The following GGT7 variants were observed in gnomAD, a reference collection of about 807,000 sequenced individuals.
GGT7 encodes gamma-glutamyltransferase 7.
Under a neutral mutation model 69.2 loss-of-function variants are expected in GGT7, and 30 were observed. The ratio of observed to expected loss-of-function variants is 0.43; its 90% CI spans 0.32 to 0.59. The LOEUF (loss-of-function observed/expected upper bound fraction) is 0.59. GGT7 is among the 20% of genes least tolerant of loss of function. The probability of loss-of-function intolerance (pLI) is 0.05; values close to 1 mark genes in which losing one functional copy is unlikely to be tolerated. For missense variants in GGT7, 733 were observed against 901.1 expected, an observed-to-expected ratio of 0.81 and a Z score of 2.39; for synonymous variants, 388 against 391.8, an observed-to-expected ratio of 0.99 and a Z score of 0.12.
intron 10 of GGT7, among the ~76,000 whole-genome samples, chr20:34,853,687 A>G (rs1419971269): frequency 6.6e-6 from 1 of 152,180 alleles, no homozygotes; most frequent in Non-Finnish European, 1.5e-5. Flanking sequence ...TTTTCAACCA[A>G]ACAAAGCTTT....
At position 34,872,687 on chromosome 20, in the gene GGT7, G is replaced by C; in HGVS notation, c.129C>G (p.Gly43=). 1 of 1,479,778 alleles carries C rather than the reference G, an allele frequency of 6.8e-7. No individual in the cohort carries two copies. The highest frequency in any genetic ancestry group is 8.9e-7 in the Non-Finnish European group (1 of 1,120,536). The allele number at this position is 1,479,778 out of a possible 1,614,324, so 91.7% of individuals were successfully genotyped here. ...DEPAPAAPLR[G]RKDEDAFLGD... ...CCAGAAAGGCGTCCTCGTCCTTGCG[G>C]CCCCTCAGCGGGGCCGCGGGCGCCG... is the stretch of plus-strand genomic sequence containing the variant. Residue 43 remains glycine (G), a synonymous_variant, in exon 1 of 15, where the codon GGC becomes GGG. Transcript: ENST00000336431.
At chr20:34,853,147 G>A (rs1568931566) in intron 10 of GGT7, among the ~76,000 whole-genome samples, 1 of 152,036 alleles carries the variant, frequency 6.6e-6, no homozygotes, top group Non-Finnish European at 1.5e-5. Context: ...GTTTCACCAT[G>A]TTGGCCAGGC....
rs754447766 is a variant in GGT7 at position 34,854,629 on chromosome 20, C to A, written c.1231-10G>T. 1.9e-6 allele frequency: 3 copies of A among 1,605,258 alleles called. No homozygotes were observed. In the South Asian group the frequency reaches 3.3e-5, roughly 18 times the overall value. ...ATGCAATCTTCAGGGTCTGAAAATA[C>A]AGCAGGGATATGGAAGAGGCTGCCA... On this transcript the variant is annotated splice_polypyrimidine_tract_variant and intron_variant, in intron 9 of 14. Transcript: ENST00000336431.
At chr20:34,858,290 G>A (rs914855122) in intron 7 of GGT7, among the ~76,000 whole-genome samples, 8 of 152,204 alleles carry the variant, frequency 5.3e-5, no homozygotes, top group Admixed American at 3.3e-4. Context: ...AGTTGAGAGA[G>A]AGAGAAAGAG....
intron 14 of GGT7, 30 bp downstream of exon 14, chr20:34,849,931 C>T (rs758331025): frequency 1.7e-5 from 24 of 1,387,932 alleles, no homozygotes; most frequent in Admixed American, 5.2e-5. Context: ...TCCCTGTGCC[C>T]GCCCCACGAG....
At position 34,860,283 on chromosome 20, in the gene GGT7, C is replaced by A; in HGVS notation, c.714G>T (p.Gly238=). 1 of 1,613,850 alleles carries A rather than the reference C, an allele frequency of 6.2e-7. No homozygotes were observed. Among genetic ancestry groups the A allele is most frequent in the South Asian group, 1.1e-5 (1 of 91,076 alleles). ...CATAGAGCTGGTGAGCTTCATGTAG[C>A]CCCTTCACCATTCCGGGAACCCCCA... The part of the protein sequence containing the change: ...LLVGVPGMVK[G]LHEAHQLYGR... The change falls in exon 5 of 15, where the codon GGG becomes GGT. Residue 238 remains glycine, a synonymous_variant. Coordinates refer to ENST00000336431, the MANE Select transcript of GGT7 (RefSeq NM_178026.3).
At chr20:34,859,848 G>A (rs1360147545) in intron 6 of GGT7, 121 bp downstream of exon 6, 1 of 826,802 alleles carries the variant, frequency 1.2e-6, no homozygotes, top group Admixed American at 2.1e-5. Flanking sequence ...GGATAAGGTG[G>A]GGAGGGGGTC....
At chr20:34,859,334 T>C in intron 7 of GGT7, 109 bp downstream of exon 7, 3 of 730,860 alleles carry the variant, frequency 4.1e-6, no homozygotes, top group Non-Finnish European at 2.2e-6. Flanking sequence ...CAGTAAATAA[T>C]ATAGAAAGAA....
chr20:34,861,673 T>C (rs980024150), intron 3 of GGT7, 111 bp from the exon 4 acceptor site: 5 of 632,400 alleles, frequency 7.9e-6, no homozygotes, highest in African/African-American at 5.6e-5. Context: ...AGTTTTTCAT[T>C]TGGGGTCAGG....
chr20:34,858,903 G>A lies in GGT7; in HGVS notation c.1014+540C>T, dbSNP rs2079536631. ...AGAACACTTCTGGCTAGGCATGGGG[G>A]CTCACACCTGTAATCCCAGCACTTT... On this transcript the variant is annotated intron_variant, in intron 7 of 14. Coordinates refer to ENST00000336431, the MANE Select transcript of GGT7 (RefSeq NM_178026.3). 2.6e-5 allele frequency among the ~76,000 whole-genome samples: 4 copies of A among 152,278 alleles called. No individual in the cohort carries two copies. In the South Asian group the frequency reaches 8.3e-4, roughly 32 times the overall value.
chr20:34,846,863 C>A lies in GGT7; in HGVS notation c.1826-1372G>T, dbSNP rs142835551. Among the ~76,000 whole-genome samples the A allele has an allele frequency of 6.5e-4, 99 of 152,280 alleles. 1 individual carries two copies. Among genetic ancestry groups the A allele is most frequent in the African/African-American group, 2.3e-3 (94 of 41,566 alleles). On this transcript the variant is annotated intron_variant, in intron 14 of 14. Coordinates refer to ENST00000336431, the MANE Select transcript of GGT7 (RefSeq NM_178026.3). ...TATTCCAGCCACATTGACCTCCTTGCTGTCCCTTTAGAAGGCCAAACATGT... is the reference window on the plus strand; with the variant it reads ...TATTCCAGCCACATTGACCTCCTTGATGTCCCTTTAGAAGGCCAAACATGT...
At chr20:34,850,833 T>C (rs1375135200) in intron 13 of GGT7, 5 of 540,684 alleles carry the variant, frequency 9.2e-6, no homozygotes, top group Non-Finnish European at 1.8e-5. Flanking sequence ...AAGACATTCA[T>C]GGAGCCATTC....
At position 34,862,032 on chromosome 20, in the gene GGT7, G is replaced by C. The variant is rs115066006; in HGVS notation, c.558-470C>G. ...GCTGGTCTTACAGGAGCCAAGATAGGAACTTTGTCAGCTTGTTCCTTTTCT... is the reference window on the plus strand; with the variant it reads ...GCTGGTCTTACAGGAGCCAAGATAGCAACTTTGTCAGCTTGTTCCTTTTCT... On this transcript the variant is annotated intron_variant, in intron 3 of 14. Coordinates refer to ENST00000336431, the MANE Select transcript of GGT7 (RefSeq NM_178026.3). Among the ~76,000 whole-genome samples the C allele has an allele frequency of 8.3e-3, 1,260 of 152,266 alleles. 21 individuals are homozygous for C. Among genetic ancestry groups the C allele is most frequent in the African/African-American group, 0.029 (1,198 of 41,538 alleles).
In GGT7 at chr20:34,863,564, C is replaced by T. The variant is rs756156187; in HGVS notation, c.170-16G>A. On this transcript the variant is annotated splice_polypyrimidine_tract_variant and intron_variant, in intron 1 of 14. Transcript: ENST00000336431. This position sits in a 1 kb window ranked among gnomAD's most constrained non-coding sequence, Gnocchi z 4.4. ...GAGTCCGGGTCTGCGGGCAGGCAGC[C>T]GGGGTCGGTCTGGGCATCTCCTATC... 1.3e-6 allele frequency: 2 copies of T among 1,532,182 alleles called. No homozygotes were observed. The highest frequency in any genetic ancestry group is 1.8e-6 in the Non-Finnish European group (2 of 1,129,822). 94.9% of individuals were successfully genotyped at this position (1,532,182 alleles called of 1,614,324 possible).
chr20:34,861,575 C>G lies in GGT7; in HGVS notation c.558-13G>C. The G allele has an allele frequency of 1.4e-6, 2 of 1,412,184 alleles. No homozygotes were observed. Among genetic ancestry groups the G allele is most frequent in the Non-Finnish European group, 1.9e-6 (2 of 1,051,372 alleles). The allele number at this position is 1,412,184 out of a possible 1,614,324, so 87.5% of individuals were successfully genotyped here. ...CATCACGCCCCCACTGGGAGAGACACAGAAGGGGAAGTGTGATGATAACAT... is the reference window on the plus strand; with the variant it reads ...CATCACGCCCCCACTGGGAGAGACAGAGAAGGGGAAGTGTGATGATAACAT... On this transcript the variant is annotated splice_polypyrimidine_tract_variant and intron_variant, in intron 3 of 14. Transcript: ENST00000336431.
At chr20:34,857,548 T>C (rs560840354) in intron 7 of GGT7, among the ~76,000 whole-genome samples, 1 of 152,238 alleles carries the variant, frequency 6.6e-6, no homozygotes, top group African/African-American at 2.4e-5. Flanking sequence ...CTCTGAATCC[T>C]TTCCTTTTTT....
At chr20:34,847,298 T>C (rs2079317620) in intron 14 of GGT7, among the ~76,000 whole-genome samples, 1 of 152,142 alleles carries the variant, frequency 6.6e-6, no homozygotes, top group South Asian at 2.1e-4. Context: ...CTGCTTCTCA[T>C]ATTTCCCTGA....
At position 34,863,879 on chromosome 20, in the gene GGT7, G is replaced by C. The variant is rs1211713498; in HGVS notation, c.170-331C>G. ...GGGGTGGGGGTTCCAGCCCTCAGTG[G>C]AAATCGGATCCTGCCCCAGTTGGGG... On this transcript the variant is annotated intron_variant, in intron 1 of 14. Transcript: ENST00000336431. The surrounding 1 kb of genome is among the most constrained non-coding windows in gnomAD (Gnocchi z 4.4). 21 of 518,598 alleles carry C rather than the reference G, an allele frequency of 4.0e-5. No homozygotes were observed. The highest frequency in any genetic ancestry group is 1.1e-5 in the Non-Finnish European group (3 of 274,116). 32.1% of individuals were successfully genotyped at this position (518,598 alleles called of 1,614,324 possible). A position where few individuals can be genotyped will look rare whatever the true frequency, so the allele number is the denominator to read the frequency against.
intron 12 of GGT7, among the ~76,000 whole-genome samples, chr20:34,851,601 C>T (rs1397078139): frequency 6.6e-6 from 1 of 152,118 alleles, no homozygotes; most frequent in Non-Finnish European, 1.5e-5. Context: ...AGCTATGAGG[C>T]TGCTACGGGT....
Sources: allele counts gnomAD v4.1 joint callset (sites outside exome capture counted in the v4.1 genomes callset), GRCh38; gene constraint gnomAD v4.1.1; non-coding constraint Gnocchi (gnomAD v3.1); transcripts MANE v1.5; gene names NCBI Gene and HGNC (gene_info 2026-07-23, HGNC 2026-07-21).